The following ZDHHC3 variants were observed in gnomAD, a reference collection of about 807,000 sequenced individuals.
The protein encoded by ZDHHC3 is palmitoyltransferase ZDHHC3.
A neutral mutation model predicts 30.6 loss-of-function variants in ZDHHC3; 9 were observed. The observed-to-expected ratio is 0.29, with a 90% CI of 0.18 to 0.51. The LOEUF (loss-of-function observed/expected upper bound fraction) is 0.51. Ranked by LOEUF, ZDHHC3 falls within the 20% of genes least tolerant of loss-of-function variation. The pLI is 0.97. For synonymous variants in ZDHHC3, 136 were observed against 140.2 expected (o/e 0.97, Z 0.21); for missense variants, 246 against 384.2 (o/e 0.64, Z 3.01).
At chr3:44,943,095 T>A (rs1050897370) in intron 3 of ZDHHC3, among the ~76,000 whole-genome samples, 1 of 152,144 alleles carries the variant, frequency 6.6e-6, no homozygotes, top group African/African-American at 2.4e-5. Flanking sequence ...GCAATCACCA[T>A]TGGCCCCTAC....
Position 44,948,834 on chromosome 3 carries a change from GCCTCAGTGAGGA to G in ZDHHC3, c.307-3554_307-3543del, listed in dbSNP as rs1300976605. 5.9e-5 allele frequency among the ~76,000 whole-genome samples: 9 copies of G among 152,220 alleles called. No homozygotes were observed. The East Asian group carries it at 1.7e-3, about 29-fold the overall frequency. ...CCCCTGCTAAGCCTCTGCTTCTCCT[GCCTCAGTGAGGA>G]CCTATTCACTCCTGAGATGGGCAGC... On this transcript the variant is annotated intron_variant, in intron 2 of 6. Coordinates refer to ENST00000424952, the MANE Select transcript of ZDHHC3 (RefSeq NM_001135179.2).
chr3:44,918,251 G>A lies in ZDHHC3; in HGVS notation c.*8438C>T. On this transcript the variant is annotated 3_prime_UTR_variant, in exon 7 of 7. Coordinates refer to ENST00000424952, the MANE Select transcript of ZDHHC3 (RefSeq NM_001135179.2). ...GCAGTGGCGGGGGGGGGGGCGGGGT[G>A]TCCACGGCATGGGTAAGATGGGGTC... is the stretch of plus-strand genomic sequence containing the variant. 1 of 1,212,922 alleles carries A rather than the reference G, an allele frequency of 8.2e-7. No individual in the cohort carries two copies. The allele number at this position is 1,212,922 out of a possible 1,614,324, so 75.1% of individuals were successfully genotyped here.
chr3:44,969,025 T>A (rs1014875421), intron 1 of ZDHHC3, among the ~76,000 whole-genome samples: 1 of 152,214 alleles, frequency 6.6e-6, no homozygotes, highest in Non-Finnish European at 1.5e-5. Context: ...CTGCATTAAC[T>A]TCTCCTTGCA....
In ZDHHC3 at chr3:44,918,029, T is replaced by A. The variant is rs752482015; in HGVS notation, c.*8660A>T. The A allele has an allele frequency of 9.2e-5, 120 of 1,305,440 alleles. No individual in the cohort carries two copies. The Admixed American group carries it at 2.7e-3, about 29-fold the overall frequency. 80.9% of individuals were successfully genotyped at this position (1,305,440 alleles called of 1,614,324 possible). ...CTGGGGATCTCTGGCTGACACGGTC[T>A]GGAGAAGGGGTTGAACCAGTTCAGG... On this transcript the variant is annotated 3_prime_UTR_variant, in exon 7 of 7. Transcript: ENST00000424952.
At chr3:44,958,896 T>C (rs1164205939) in intron 2 of ZDHHC3, among the ~76,000 whole-genome samples, 1 of 152,228 alleles carries the variant, frequency 6.6e-6, no homozygotes, top group Non-Finnish European at 1.5e-5. Flanking sequence ...TATATATCCA[T>C]GTACTTATAG....
At chr3:44,968,121 A>C (rs1004304867) in intron 1 of ZDHHC3, among the ~76,000 whole-genome samples, 1 of 151,990 alleles carries the variant, frequency 6.6e-6, no homozygotes, top group Non-Finnish European at 1.5e-5. Flanking sequence ...TTTTTAGCAC[A>C]GCACATGGAT....
In ZDHHC3 at chr3:44,926,731, C is replaced by T. The variant is rs1701023938; in HGVS notation, c.858G>A (p.Thr286=). The T allele has an allele frequency of 1.5e-5, 25 of 1,613,050 alleles. No individual in the cohort carries two copies. The highest frequency in any genetic ancestry group is 2.2e-5 in the East Asian group (1 of 44,866). Residue 286 remains threonine (T), a synonymous_variant, in exon 7 of 7, where the codon ACG becomes ACA. Transcript: ENST00000424952. ...FSLGWASPFA[T]PDQGKADPYQ... Reference sequence around the variant, plus strand: ...ACGGGTCTGCCTTCCCTTGGTCTGGCGTGGCAAAGGGGCTGGCCCAGCCTA... The same window carrying T: ...ACGGGTCTGCCTTCCCTTGGTCTGGTGTGGCAAAGGGGCTGGCCCAGCCTA...
Position 44,957,996 on chromosome 3 carries a change from A to G in ZDHHC3, c.306+1135T>C, listed in dbSNP as rs978251835. ...GCATGACCATATAGATGCTGCTGGG[A>G]AAACTCTTTCATATCCTTGTGTTTG... On this transcript the variant is annotated intron_variant, in intron 2 of 6. Coordinates refer to ENST00000424952, the MANE Select transcript of ZDHHC3 (RefSeq NM_001135179.2). Among the ~76,000 whole-genome samples, 7 of 152,224 alleles carry G rather than the reference A, an allele frequency of 4.6e-5. No homozygotes were observed. The East Asian group carries it at 1.3e-3, about 29-fold the overall frequency.
At position 44,917,559 on chromosome 3, in the gene ZDHHC3, G is replaced by A. The variant is rs1286653728; in HGVS notation, c.*9130C>T. On this transcript the variant is annotated 3_prime_UTR_variant, in exon 7 of 7. Coordinates refer to ENST00000424952, the MANE Select transcript of ZDHHC3 (RefSeq NM_001135179.2). ...AAGGCAAGCTCTTTTCTGCCCCTGG[G>A]ATGCCCTGTTCAAAAGCTCCCTTTG... 1 of 236,374 alleles carries A rather than the reference G, an allele frequency of 4.2e-6. No homozygotes were observed. Among genetic ancestry groups the A allele is most frequent in the Non-Finnish European group, 8.5e-6 (1 of 118,194 alleles). The allele number at this position is 236,374 out of a possible 1,614,324, so 14.6% of individuals were successfully genotyped here.
intron 1 of ZDHHC3, among the ~76,000 whole-genome samples, chr3:44,962,349 A>G (rs1468680633): frequency 6.6e-6 from 1 of 152,126 alleles, no homozygotes; most frequent in East Asian, 1.9e-4. Context: ...ACTAAACAAG[A>G]GTTATGTTTC....
chr3:44,940,976 G>C (rs80135532), intron 3 of ZDHHC3, among the ~76,000 whole-genome samples: 374 of 152,240 alleles, frequency 2.5e-3, no homozygotes, highest in African/African-American at 7.2e-3. Flanking sequence ...TGCCTGCCCT[G>C]CTTGGGTGGC....
intron 5 of ZDHHC3, 102 bp downstream of exon 5, chr3:44,933,016 G>A (rs757184915): frequency 3.1e-6 from 5 of 1,613,806 alleles, no homozygotes; most frequent in South Asian, 1.1e-5. Flanking sequence ...ATAAAATGAG[G>A]TTGGCCCCTG....
chr3:44,924,552 A>G lies in ZDHHC3; in HGVS notation c.*2137T>C, dbSNP rs987717536. 5.1e-6 allele frequency: 5 copies of G among 985,426 alleles called. No homozygotes were observed. The highest frequency in any genetic ancestry group is 1.1e-4 in the East Asian group (1 of 8,816). 61.0% of individuals were successfully genotyped at this position (985,426 alleles called of 1,614,324 possible). On this transcript the variant is annotated 3_prime_UTR_variant, in exon 7 of 7. Transcript: ENST00000424952. The stretch of plus-strand genomic sequence containing the variant: ...GCACAGCTTTAAAGGAGGAGTTTCT[A>G]TTTTTAGGACTAAAAAAAAGTCAGT...
chr3:44,929,159 G>A (rs1701265040), intron 6 of ZDHHC3, 147 bp downstream of exon 6: 2 of 1,080,380 alleles, frequency 1.9e-6, no homozygotes, highest in Admixed American at 5.4e-5. Flanking sequence ...TGACCCAAGT[G>A]TAACTGCAAA....
chr3:44,934,999 C>T (rs1229426966), intron 3 of ZDHHC3, among the ~76,000 whole-genome samples: 2 of 151,938 alleles, frequency 1.3e-5, no homozygotes, highest in East Asian at 1.9e-4. Flanking sequence ...TGGGCTGAGC[C>T]TGTTTCAAGC....
chr3:44,947,283 G>A (rs1307216430), intron 2 of ZDHHC3, among the ~76,000 whole-genome samples: 1 of 152,160 alleles, frequency 6.6e-6, no homozygotes, highest in Non-Finnish European at 1.5e-5. Context: ...GTGCCTGAGG[G>A]ACACCCAGGA....
At chr3:44,975,532 G>C (rs1158833615) in intron 1 of ZDHHC3, 1 of 152,302 alleles carries the variant, frequency 6.6e-6, no homozygotes, top group Admixed American at 6.5e-5. Flanking sequence ...TTCGGTCACA[G>C]AGAGTGAGCG....
chr3:44,954,220 C>T (rs1285020054), intron 2 of ZDHHC3, among the ~76,000 whole-genome samples: 2 of 152,084 alleles, frequency 1.3e-5, no homozygotes, highest in African/African-American at 4.8e-5. Context: ...GGTGGGGGAG[C>T]AGGTAGACAG....
rs1700121115 is a variant in ZDHHC3, at chr3:44,915,747, T to A, written c.*10942A>T. ...GCAAGGACATTTCTCAAGGGCCATGTGGTTTTGCAGACACTGCTGTCCTCA... is the reference window on the plus strand; with the variant it reads ...GCAAGGACATTTCTCAAGGGCCATGAGGTTTTGCAGACACTGCTGTCCTCA... On this transcript the variant is annotated 3_prime_UTR_variant, in exon 7 of 7. Coordinates refer to ENST00000424952, the MANE Select transcript of ZDHHC3 (RefSeq NM_001135179.2). The A allele has an allele frequency of 6.6e-6, 1 of 152,296 alleles. No homozygotes were observed. Among genetic ancestry groups the A allele is most frequent in the Non-Finnish European group, 1.5e-5 (1 of 68,092 alleles). The allele number at this position is 152,296 out of a possible 1,614,324, so 9.4% of individuals were successfully genotyped here.
Sources: allele counts gnomAD v4.1 joint callset (sites outside exome capture counted in the v4.1 genomes callset), GRCh38; gene constraint gnomAD v4.1.1; transcripts MANE v1.5; gene names NCBI Gene and HGNC (gene_info 2026-07-23, HGNC 2026-07-21).